Variants in MEF2C observed in about 807,000 individuals in gnomAD.
MEF2C encodes myocyte enhancer factor 2C.
In MEF2C, 6 loss-of-function variants were observed where a neutral mutation model predicts 50.5. That is an observed-to-expected ratio of 0.12 (90% CI 0.07 to 0.23). The LOEUF is 0.23. Ranked by LOEUF, MEF2C falls within the 10% of genes least tolerant of loss-of-function variation. The pLI is 1.00. For synonymous variants in MEF2C, 183 were observed against 228.0 expected (o/e 0.80, Z 1.78); for missense variants, 276 against 605.0 (o/e 0.46, Z 5.70).
intron 1 of MEF2C, among the ~76,000 whole-genome samples, chr5:88,848,976 C>A (rs949087631): frequency 4.0e-4 from 60 of 151,832 alleles, no homozygotes; most frequent in South Asian, 6.2e-4. Flanking sequence ...CATGGTGAAA[C>A]CCCGTCTCTA....
intron 6 of MEF2C, chr5:88,740,264 G>GTGTGTC (rs1358655785): frequency 1.0e-6 from 1 of 984,756 alleles, no homozygotes; most frequent in African/African-American, 1.8e-5. Flanking sequence ...GTGTGTGTGT[G>GTGTGTC]TGTGTGAAAT....
At chr5:88,769,930 G>A (rs1580394419) in intron 3 of MEF2C, 1 of 980,820 alleles carries the variant, frequency 1.0e-6, no homozygotes, top group Non-Finnish European at 1.2e-6. Flanking sequence ...ATGGGCATGG[G>A]CCACTGTGTC....
intron 3 of MEF2C, chr5:88,775,822 G>GTAT: frequency 1.0e-6 from 1 of 984,122 alleles, no homozygotes; most frequent in South Asian, 4.7e-5. Flanking sequence ...AAAAATGGAA[G>GTAT]GGTATAGAGA....
At chr5:88,815,143 T>G (rs1425212606) in intron 2 of MEF2C, among the ~76,000 whole-genome samples, 1 of 152,116 alleles carries the variant, frequency 6.6e-6, no homozygotes, top group Non-Finnish European at 1.5e-5. Flanking sequence ...TAAACCAGAT[T>G]AATATTTTGG....
At chr5:88,891,614 G>A (rs1834587123) in intron 1 of MEF2C, among the ~76,000 whole-genome samples, 1 of 151,958 alleles carries the variant, frequency 6.6e-6, no homozygotes, top group Non-Finnish European at 1.5e-5. Context: ...GTTTCACCAT[G>A]TTAGCCAGGA....
At chr5:88,883,966 A>G (rs1561483587), upstream of MEF2C, among the ~76,000 whole-genome samples, 1 of 152,248 alleles carries the variant, frequency 6.6e-6, no homozygotes, top group Non-Finnish European at 1.5e-5. Context: ...CAATCTTTCC[A>G]TTCCTGACAT....
At chr5:88,734,574 T>G (rs1017229740) in intron 6 of MEF2C, 42 of 886,604 alleles carry the variant, frequency 4.7e-5, no homozygotes, top group African/African-American at 2.5e-4. Flanking sequence ...TGTTTTTTTT[T>G]TTTTTTTTTT....
Position 88,764,676 on chromosome 5 carries a change from C to T in MEF2C, c.259-3348G>A, listed in dbSNP as rs139517014. Among the ~76,000 whole-genome samples the T allele has an allele frequency of 4.5e-3, 691 of 151,902 alleles. 5 individuals are homozygous for T. The highest frequency in any genetic ancestry group is 0.016 in the African/African-American group (646 of 41,426). ...ACAAAAAATAAGCCAGGCATGGTGG[C>T]GCACGCCTGTAATTGCAGCTACTTG... On this transcript the variant is annotated intron_variant, in intron 3 of 10. Transcript: ENST00000504921.
chr5:88,831,167 A>G (rs867151717), intron 1 of MEF2C, among the ~76,000 whole-genome samples: 33 of 152,140 alleles, frequency 2.2e-4, no homozygotes, highest in African/African-American at 7.2e-4. Context: ...TCATATGCCT[A>G]TAAGTGTTGA....
chr5:88,741,538 T>C (rs1011091969), intron 6 of MEF2C: 17 of 985,308 alleles, frequency 1.7e-5, no homozygotes, highest in Middle Eastern at 5.2e-4. Flanking sequence ...CGGTTTTCAC[T>C]GAGTTGCTTA....
intron 2 of MEF2C, among the ~76,000 whole-genome samples, chr5:88,811,710 A>G (rs919648676): frequency 6.6e-5 from 10 of 152,158 alleles, no homozygotes; most frequent in Non-Finnish European, 7.4e-5. Flanking sequence ...ACTGTAAAGA[A>G]TTTGAGTAGA....
chr5:88,740,781 A>T (rs941986163), intron 6 of MEF2C: 2 of 985,284 alleles, frequency 2.0e-6, no homozygotes, highest in Non-Finnish European at 1.2e-6. Context: ...CACTATCTTT[A>T]AAAAATTCCA....
chr5:88,840,163 C>A (rs915324951), intron 1 of MEF2C, among the ~76,000 whole-genome samples: 1 of 152,124 alleles, frequency 6.6e-6, no homozygotes, highest in Non-Finnish European at 1.5e-5. Flanking sequence ...AAAGGAGCAA[C>A]ATAACCTTCC....
intron 1 of MEF2C, among the ~76,000 whole-genome samples, chr5:88,850,951 A>C (rs1291553520): frequency 1.3e-5 from 2 of 151,978 alleles, no homozygotes; most frequent in Admixed American, 6.6e-5. Flanking sequence ...ACTTTAACTT[A>C]ATATTTTCTC....
intron 3 of MEF2C, among the ~76,000 whole-genome samples, chr5:88,789,556 A>G (rs1337545785): frequency 6.6e-6 from 1 of 152,182 alleles, no homozygotes; most frequent in East Asian, 1.9e-4. Context: ...CTAGAACAGT[A>G]GCTCTAAATA....
chr5:88,785,861 G>C (rs1324269765), intron 3 of MEF2C, among the ~76,000 whole-genome samples: 2 of 152,076 alleles, frequency 1.3e-5, no homozygotes, highest in Non-Finnish European at 2.9e-5. Flanking sequence ...AAGTATCCTG[G>C]GGCTAAAATG....
intron 1 of MEF2C, among the ~76,000 whole-genome samples, chr5:88,838,999 T>C (rs941894278): frequency 3.4e-4 from 51 of 152,188 alleles, no homozygotes; most frequent in African/African-American, 1.1e-3. Context: ...ACAGCTGACA[T>C]AATTGGCGAT....
chr5:88,789,276 C>T (rs1562043420), intron 3 of MEF2C, among the ~76,000 whole-genome samples: 1 of 151,764 alleles, frequency 6.6e-6, no homozygotes, highest in Non-Finnish European at 1.5e-5. Flanking sequence ...AGGTGATTCT[C>T]TGACCTCAGT....
intron 1 of MEF2C, among the ~76,000 whole-genome samples, chr5:88,879,869 C>T (rs1581931632): frequency 6.6e-6 from 1 of 152,104 alleles, no homozygotes; most frequent in South Asian, 2.1e-4. Flanking sequence ...CTTGCCATTC[C>T]TCAACAATCA....
Sources: allele counts gnomAD v4.1 joint callset (sites outside exome capture counted in the v4.1 genomes callset), GRCh38; gene constraint gnomAD v4.1.1; transcripts MANE v1.5; gene names NCBI Gene and HGNC (gene_info 2026-07-23, HGNC 2026-07-21).